BCLAF3: variants seen among roughly 807,000 people sequenced by gnomAD.
The protein encoded by BCLAF3 is transient octamer binding factor 1.
A neutral mutation model predicts 51.2 loss-of-function variants in BCLAF3; 24 were observed. The ratio of observed to expected loss-of-function variants is 0.47; its 90% CI spans 0.34 to 0.66. The LOEUF (loss-of-function observed/expected upper bound fraction) is 0.66. BCLAF3 is among the 30% of genes least tolerant of loss of function. The pLI is 0.01. For synonymous variants in BCLAF3, 152 were observed against 176.6 expected, an observed-to-expected ratio of 0.86 and a Z score of 1.10; for missense variants, 465 against 525.1, an observed-to-expected ratio of 0.89 and a Z score of 1.12.
chrX:19,966,662 A>G lies in BCLAF3; in HGVS notation c.42-13T>C. ...TGGTGATAAAGACCTATGTAAACAAACACAGAAAAGTGTAAACCATTTAAT... is the reference window on the plus strand; with the variant it reads ...TGGTGATAAAGACCTATGTAAACAAGCACAGAAAAGTGTAAACCATTTAAT... On this transcript the variant is annotated splice_polypyrimidine_tract_variant and intron_variant, in intron 2 of 11. Transcript: ENST00000379682. 1 of 1,189,806 alleles carries G rather than the reference A, an allele frequency of 8.4e-7. No homozygotes were observed. The highest frequency in any genetic ancestry group is 1.1e-6 in the Non-Finnish European group (1 of 881,235).
intron 8 of BCLAF3, among the ~76,000 whole-genome samples, chrX:19,938,666 G>C (rs1461131350): frequency 8.9e-6 from 1 of 112,545 alleles, no homozygotes; most frequent in Non-Finnish European, 1.9e-5. Context: ...CAAAGTGCTG[G>C]GATTATAGGC....
intron 2 of BCLAF3, among the ~76,000 whole-genome samples, chrX:19,966,911 T>C (rs189088024): frequency 1.1e-3 from 126 of 111,130 alleles, no homozygotes; most frequent in African/African-American, 3.8e-3. Flanking sequence ...CCTGTCCCAT[T>C]GGAGGAGGGC....
chrX:19,977,235 TA>T (rs987957941), intron 1 of BCLAF3, among the ~76,000 whole-genome samples: 1 of 111,902 alleles, frequency 8.9e-6, no homozygotes, highest in Non-Finnish European at 1.9e-5. Context: ...CATCTCACGT[TA>T]AATCAAAAGC....
At chrX:19,928,417 T>C (rs1426646489) in intron 11 of BCLAF3, among the ~76,000 whole-genome samples, 4 of 108,596 alleles carry the variant, frequency 3.7e-5, no homozygotes, top group Non-Finnish European at 5.7e-5. Context: ...ACCCCGTCTC[T>C]ACTAAAAATA....
At chrX:19,936,910 T>TA (rs2070784160) in intron 9 of BCLAF3, among the ~76,000 whole-genome samples, 2 of 112,262 alleles carry the variant, frequency 1.8e-5, no homozygotes, top group African/African-American at 6.5e-5. Context: ...GTTAATTTAC[T>TA]AAAAATCATT....
At chrX:19,946,591 CT>C (rs1214344490) in intron 8 of BCLAF3, among the ~76,000 whole-genome samples, 1 of 111,840 alleles carries the variant, frequency 8.9e-6, no homozygotes, top group Non-Finnish European at 1.9e-5. Flanking sequence ...TATGTCTCTT[CT>C]CTGGTTAGAA....
At chrX:19,990,102 G>C (rs1016238319) in intron 1 of BCLAF3, among the ~76,000 whole-genome samples, 3 of 103,412 alleles carry the variant, frequency 2.9e-5, no homozygotes, top group African/African-American at 1.1e-4. Context: ...GCCTAAAGAG[G>C]CCTTCCTGAT....
At chrX:19,981,708 C>T (rs1293097603) in intron 1 of BCLAF3, among the ~76,000 whole-genome samples, 1 of 112,031 alleles carries the variant, frequency 8.9e-6, no homozygotes, top group African/African-American at 3.2e-5. Context: ...AATGAAGTAC[C>T]AATACATGCT....
intron 11 of BCLAF3, among the ~76,000 whole-genome samples, chrX:19,923,845 AT>A (rs561594796): frequency 0.052 from 4,707 of 89,992 alleles, 263 homozygotes; most frequent in African/African-American, 0.17. Flanking sequence ...TTATTTATTT[AT>A]TTTTTTTTTT....
rs945700612 is a variant in BCLAF3 at position 19,966,027 on chromosome X, C to A, written c.611+53G>T. 30 of 1,059,691 alleles carry A rather than the reference C, an allele frequency of 2.8e-5. No homozygotes were observed. The Middle Eastern group carries it at 1.0e-3, about 36-fold the overall frequency. The allele number at this position is 1,059,691 out of a possible 1,213,427, so 87.3% of individuals were successfully genotyped here. On this transcript the variant is annotated intron_variant, in intron 3 of 11. Coordinates refer to ENST00000379682, the MANE Select transcript of BCLAF3 (RefSeq NM_001367774.2). ...ATCTTCAACCATAAAGTAAACAGAT[C>A]TTTTCACTTGAGGCTTTATACCAAA... is the stretch of plus-strand genomic sequence containing the variant.
chrX:19,942,177 G>C (rs1266172936), intron 8 of BCLAF3, among the ~76,000 whole-genome samples: 1 of 44,208 alleles, frequency 2.3e-5, no homozygotes, highest in Non-Finnish European at 3.5e-5. Flanking sequence ...TTTGGGCTGA[G>C]ACAATGGGGT....
chrX:19,931,993 A>G (rs1326308094), intron 10 of BCLAF3, among the ~76,000 whole-genome samples: 1 of 112,453 alleles, frequency 8.9e-6, no homozygotes, highest in Non-Finnish European at 1.9e-5. Context: ...CTAAGAACTC[A>G]ACCAGTGTTC....
chrX:19,957,595 T>C (rs1261848308), intron 4 of BCLAF3, among the ~76,000 whole-genome samples: 1 of 111,577 alleles, frequency 9.0e-6, no homozygotes, highest in African/African-American at 3.3e-5. Context: ...TATAATTTCT[T>C]ACAAATTACT....
chrX:19,954,611 TG>T (rs1195790207), intron 5 of BCLAF3, among the ~76,000 whole-genome samples: 1 of 112,301 alleles, frequency 8.9e-6, no homozygotes, highest in Non-Finnish European at 1.9e-5. Context: ...AGACAAACTA[TG>T]TGCTTTAAAG....
In BCLAF3 at chrX:19,935,846, T is replaced by C; in HGVS notation, c.1913A>G (p.Glu638Gly). 1 of 1,211,119 alleles carries C rather than the reference T, an allele frequency of 8.3e-7. No homozygotes were observed. The highest frequency in any genetic ancestry group is 2.3e-4 in the Middle Eastern group (1 of 4,348). Residue 638 changes from glutamate to glycine, a missense_variant, in exon 10 of 12, where the codon GAG (glutamate) becomes GGG (glycine). Coordinates refer to ENST00000379682, the MANE Select transcript of BCLAF3 (RefSeq NM_001367774.2). ...TACTCTTGTGTTTCGGTGGTTTCCC[T>C]CAACCTCAAATGGTTTGTGAGTAAT... ...DIITHKPFEV[E>G]GNHRNTRVRP...
rs1402378499 is a variant in BCLAF3, at chrX:19,914,523, C to T, written c.*2782G>A. The T allele has an allele frequency of 2.7e-5, 3 of 109,449 alleles. No individual in the cohort carries two copies. The highest frequency in any genetic ancestry group is 3.8e-5 in the Non-Finnish European group (2 of 52,606). The allele number at this position is 109,449 out of a possible 1,213,427, so 9.0% of individuals were successfully genotyped here. A position where few individuals can be genotyped will look rare whatever the true frequency, so the allele number is the denominator to read the frequency against. On this transcript the variant is annotated 3_prime_UTR_variant, in exon 12 of 12. Coordinates refer to ENST00000379682, the MANE Select transcript of BCLAF3 (RefSeq NM_001367774.2). ...TCTTTTTTTTAAAAAAAAAACTATT[C>T]AAAAATGTAGGATTTATTAGGTAAA...
At chrX:19,982,549 TCACACACACACACACACACACACACA>T (rs60433883) in intron 1 of BCLAF3, among the ~76,000 whole-genome samples, 1 of 97,174 alleles carries the variant, frequency 1.0e-5, no homozygotes, top group African/African-American at 3.8e-5. Flanking sequence ...AGATGCAATT[TCACACACACACACACACACACACACA>T]CACACACACG....
intron 11 of BCLAF3, among the ~76,000 whole-genome samples, chrX:19,917,569 T>C (rs1047604068): frequency 4.5e-5 from 5 of 111,935 alleles, no homozygotes; most frequent in South Asian, 3.7e-4. Flanking sequence ...CTAGATAACA[T>C]TGATATTAGT....
intron 8 of BCLAF3, among the ~76,000 whole-genome samples, chrX:19,938,319 C>G (rs891348641): frequency 2.7e-5 from 3 of 111,390 alleles, no homozygotes; most frequent in South Asian, 3.8e-4. Context: ...CTCATCGTGA[C>G]CCCCCAAAGC....
Sources: allele counts gnomAD v4.1 joint callset (sites outside exome capture counted in the v4.1 genomes callset), GRCh38; gene constraint gnomAD v4.1.1; transcripts MANE v1.5; gene names NCBI Gene and HGNC (gene_info 2026-07-23, HGNC 2026-07-21).